Variants in CADPS2 observed in about 807,000 individuals in gnomAD.
The protein encoded by CADPS2 is calcium dependent secretion activator 2.
In CADPS2, 93 loss-of-function variants were observed where a neutral mutation model predicts 172.5. That is an observed-to-expected ratio of 0.54 (90% CI 0.46 to 0.64). CADPS2 has a LOEUF of 0.64. Ranked by LOEUF, CADPS2 falls within the 30% of genes least tolerant of loss-of-function variation. The pLI is 0.00. For missense variants in CADPS2, 1,420 were observed against 1,565.9 expected (o/e 0.91, Z 1.57); for synonymous variants, 546 against 555.2 (o/e 0.98, Z 0.23).
chr7:122,706,586 T>C (rs1222268840), intron 2 of CADPS2, among the ~76,000 whole-genome samples: 2 of 147,856 alleles, frequency 1.4e-5, no homozygotes, highest in Non-Finnish European at 1.5e-5. Flanking sequence ...TATGTATATA[T>C]ATATATATCA....
intron 2 of CADPS2, among the ~76,000 whole-genome samples, chr7:122,669,342 T>C (rs572679517): frequency 3.1e-4 from 25 of 80,538 alleles, no homozygotes; most frequent in African/African-American, 1.3e-3. Flanking sequence ...AGAAAAAATA[T>C]ATATATATAT....
chr7:122,437,735 G>A (rs988319088), intron 17 of CADPS2, among the ~76,000 whole-genome samples: 4 of 151,312 alleles, frequency 2.6e-5, no homozygotes, highest in Admixed American at 6.6e-5. Context: ...TTGTGACTTT[G>A]CCACAAATTC....
At chr7:122,636,332 T>C (rs2077057496) in intron 3 of CADPS2, among the ~76,000 whole-genome samples, 2 of 152,132 alleles carry the variant, frequency 1.3e-5, no homozygotes, top group South Asian at 4.1e-4. Flanking sequence ...CTGAGAAGTA[T>C]TTTATTTCTC....
At chr7:122,828,097 C>A (rs939609277) in intron 1 of CADPS2, among the ~76,000 whole-genome samples, 1 of 152,148 alleles carries the variant, frequency 6.6e-6, no homozygotes. Context: ...TTGTTTGATA[C>A]ATATCCATTT....
intron 8 of CADPS2, among the ~76,000 whole-genome samples, chr7:122,541,341 C>A (rs540093427): frequency 6.8e-6 from 1 of 146,390 alleles, no homozygotes; most frequent in Non-Finnish European, 1.5e-5. Flanking sequence ...GGATTACAGG[C>A]GCCCACCACC....
In CADPS2 at chr7:122,417,967, C is replaced by A. The variant is rs960962851; in HGVS notation, c.2477-1803G>T. ...GGCAGATCACCTGAGGTCAGGAGTT[C>A]GAAACCAGCCTGGCCAACATGGCGA... On this transcript the variant is annotated intron_variant, in intron 17 of 29. Coordinates refer to ENST00000449022, the MANE Select transcript of CADPS2 (RefSeq NM_017954.11). Among the ~76,000 whole-genome samples the A allele has an allele frequency of 5.9e-5, 9 of 152,124 alleles. No homozygotes were observed. The East Asian group carries it at 1.6e-3, about 26-fold the overall frequency.
At chr7:122,679,392 G>A (rs532643698) in intron 2 of CADPS2, among the ~76,000 whole-genome samples, 11 of 150,968 alleles carry the variant, frequency 7.3e-5, no homozygotes, top group Non-Finnish European at 1.5e-4. Context: ...ATTCCAGCCT[G>A]GCGAATTCTA....
At chr7:122,656,712 G>A (rs1227946387) in intron 3 of CADPS2, among the ~76,000 whole-genome samples, 1 of 152,110 alleles carries the variant, frequency 6.6e-6, no homozygotes, top group African/African-American at 2.4e-5. Flanking sequence ...TTTCCCTGGG[G>A]CAGAGTCCTT....
chr7:122,549,436 C>G (rs996499436), intron 8 of CADPS2, among the ~76,000 whole-genome samples: 2 of 151,942 alleles, frequency 1.3e-5, no homozygotes, highest in Non-Finnish European at 1.5e-5. Flanking sequence ...TCAAGACATT[C>G]GTGTGATTGT....
Position 122,441,553 on chromosome 7 carries a change from G to A in CADPS2, c.2311C>T (p.Pro771Ser). The A allele has an allele frequency of 2.6e-6, 4 of 1,538,076 alleles. No homozygotes were observed. Among genetic ancestry groups the A allele is most frequent in the Non-Finnish European group, 3.5e-6 (4 of 1,141,676 alleles). The change falls in exon 16 of 30, where the codon CCT becomes TCT. Residue 771 changes from proline to serine, a missense_variant. Pro to Ser is a moderately conservative substitution (Grantham distance 74). Transcript: ENST00000449022. ...AGTGTAGCTTTTAGAGCACCTTCAG[G>A]TCGTCCAAAGGGAAAACAGTATCTT... Reference protein sequence around the residue: ...HFRYCFPFGRPEGALKATLSL... With the variant: ...HFRYCFPFGRSEGALKATLSL...
chr7:122,647,145 T>TA (rs1563956130), intron 3 of CADPS2, among the ~76,000 whole-genome samples: 3 of 152,086 alleles, frequency 2.0e-5, no homozygotes, highest in African/African-American at 7.2e-5. Flanking sequence ...TTGATCTACC[T>TA]AAAAAAGGTG....
chr7:122,610,670 C>T (rs1309162530), intron 6 of CADPS2, among the ~76,000 whole-genome samples: 1 of 151,852 alleles, frequency 6.6e-6, no homozygotes, highest in African/African-American at 2.4e-5. Flanking sequence ...ATCTAATCTA[C>T]AATAGATGAA....
chr7:122,660,210 G>C (rs956270441), intron 3 of CADPS2, among the ~76,000 whole-genome samples: 1 of 152,098 alleles, frequency 6.6e-6, no homozygotes, highest in Admixed American at 6.6e-5. Flanking sequence ...TGAAGTGAAT[G>C]ACAGCAATGC....
intron 1 of CADPS2, among the ~76,000 whole-genome samples, chr7:122,848,231 A>C (rs1426316198): frequency 6.6e-6 from 1 of 152,226 alleles, no homozygotes; most frequent in African/African-American, 2.4e-5. Context: ...CTAAGAGAGG[A>C]GTACCCAGTA....
At chr7:122,409,598 G>C (rs942002241) in intron 19 of CADPS2, 6 of 469,156 alleles carry the variant, frequency 1.3e-5, no homozygotes, top group Non-Finnish European at 2.7e-5. Context: ...ATGAATGTAA[G>C]CCAATCTGTG....
chr7:122,667,948 C>T (rs1170634394), intron 2 of CADPS2, among the ~76,000 whole-genome samples: 3 of 152,124 alleles, frequency 2.0e-5, no homozygotes, highest in Admixed American at 2.0e-4. Flanking sequence ...AGGGAGGACT[C>T]TGGGCTGTAT....
chr7:122,539,294 T>C (rs1347408046), intron 8 of CADPS2, among the ~76,000 whole-genome samples: 1 of 152,140 alleles, frequency 6.6e-6, no homozygotes, highest in Non-Finnish European at 1.5e-5. Flanking sequence ...CTTTGACCCA[T>C]GTGACGCCTT....
intron 1 of CADPS2, among the ~76,000 whole-genome samples, chr7:122,759,563 GA>G (rs1259279463): frequency 2.0e-5 from 3 of 151,918 alleles, no homozygotes; most frequent in South Asian, 2.1e-4. Context: ...TGGGGTTTCA[GA>G]AAAAAAGGCT....
At position 122,702,084 on chromosome 7, in the gene CADPS2, T is replaced by C. The variant is rs1430019462; in HGVS notation, c.453+34871A>G. The C allele has an allele frequency of 3.7e-6, 6 of 1,613,592 alleles. No individual in the cohort carries two copies. The Admixed American group carries it at 8.3e-5, about 22-fold the overall frequency. The stretch of plus-strand genomic sequence containing the variant: ...TCTGTCTTTATTTGACTTCGCCTCC[T>C]GGTGAAAGAATTGGGCACTCTAGGT... On this transcript the variant is annotated intron_variant, in intron 2 of 29. Transcript: ENST00000449022.
Sources: allele counts gnomAD v4.1 joint callset (sites outside exome capture counted in the v4.1 genomes callset), GRCh38; gene constraint gnomAD v4.1.1; transcripts MANE v1.5; gene names NCBI Gene and HGNC (gene_info 2026-07-23, HGNC 2026-07-21).